The following MCC variants were observed in gnomAD, a reference collection of about 807,000 sequenced individuals.
MCC encodes MCC regulator of Wnt signaling pathway, also known as colorectal mutant cancer protein.
MCC carries 90 observed loss-of-function variants against 116.2 expected under a neutral mutation model. The observed-to-expected ratio is 0.77, with a 90% CI of 0.65 to 0.92. MCC has a LOEUF of 0.92. Among genes scored for constraint, MCC ranks in the 40% least tolerant of loss-of-function variants. MCC has a pLI of 0.00. For synonymous variants in MCC, 578 were observed against 510.5 expected (o/e 1.13, Z -1.78); for missense variants, 1,516 against 1,312.2 (o/e 1.16, Z -2.40).
chr5:113,433,644 G>T (rs1274300470), intron 1 of MCC: 1 of 1,429,264 alleles, frequency 7.0e-7, no homozygotes, highest in Admixed American at 2.5e-5. Flanking sequence ...GCTCATCTGG[G>T]ACTGCCTTCC....
chr5:113,282,411 AT>A, intron 3 of MCC, among the ~76,000 whole-genome samples: 1 of 152,292 alleles, frequency 6.6e-6, no homozygotes, highest in Non-Finnish European at 1.5e-5. Flanking sequence ...TCCAGACAGC[AT>A]TTTCATAAGC....
At chr5:113,200,454 C>A (rs1267576232) in intron 3 of MCC, among the ~76,000 whole-genome samples, 2 of 152,154 alleles carry the variant, frequency 1.3e-5, no homozygotes, top group Non-Finnish European at 2.9e-5. Flanking sequence ...TGATCCCCTT[C>A]CTGTTAGAAA....
At chr5:113,081,104 A>ATTG (rs1754830124) in intron 11 of MCC, among the ~76,000 whole-genome samples, 1 of 152,212 alleles carries the variant, frequency 6.6e-6, no homozygotes, top group Non-Finnish European at 1.5e-5. Flanking sequence ...ATGAAGTTAA[A>ATTG]GGCTAACATA....
chr5:113,220,756 G>C (rs1763521611), intron 3 of MCC, among the ~76,000 whole-genome samples: 1 of 152,156 alleles, frequency 6.6e-6, no homozygotes, highest in Non-Finnish European at 1.5e-5. Context: ...AGACAGTTAT[G>C]TTATCTTTGA....
chr5:113,443,160 C>A (rs1771096278), intron 1 of MCC, among the ~76,000 whole-genome samples: 1 of 147,618 alleles, frequency 6.8e-6, no homozygotes, highest in Non-Finnish European at 1.5e-5. Flanking sequence ...TTGTTTGTGT[C>A]CTCTCATTTC....
At position 113,025,881 on chromosome 5, in the gene MCC, G is replaced by A. The variant is rs1002414567; in HGVS notation, c.*1421C>T. 1.3e-5 allele frequency: 2 copies of A among 152,124 alleles called. No homozygotes were observed. Among genetic ancestry groups the A allele is most frequent in the African/African-American group, 4.8e-5 (2 of 41,406 alleles). The allele number at this position is 152,124 out of a possible 1,614,324, so 9.4% of individuals were successfully genotyped here. On this transcript the variant is annotated 3_prime_UTR_variant, in exon 19 of 19. Transcript: ENST00000408903. Reference sequence around the variant, plus strand: ...AAAATAGACCTACCCGTAGCTTATGGACATAAAGACTCTATGCAGAAACCT... The same window carrying A: ...AAAATAGACCTACCCGTAGCTTATGAACATAAAGACTCTATGCAGAAACCT...
intron 15 of MCC, among the ~76,000 whole-genome samples, chr5:113,051,184 C>T (rs1295120890): frequency 6.6e-6 from 1 of 151,918 alleles, no homozygotes; most frequent in Non-Finnish European, 1.5e-5. Context: ...CATCTGCAAC[C>T]CAGGATCCTC....
chr5:113,108,331 T>TAAAAAAAAAAAAAAAA (rs56780207), intron 6 of MCC, among the ~76,000 whole-genome samples: 2 of 42,726 alleles, frequency 4.7e-5, no homozygotes, highest in African/African-American at 1.5e-4. Context: ...CACTCTATCT[T>TAAAAAAAAAAAAAAAA]AAAAAAAAAA....
intron 3 of MCC, among the ~76,000 whole-genome samples, chr5:113,217,414 T>C (rs772109414): frequency 6.6e-6 from 1 of 152,234 alleles, no homozygotes; most frequent in Non-Finnish European, 1.5e-5. Context: ...CAATATTAAG[T>C]TGATTTTTTA....
intron 3 of MCC, among the ~76,000 whole-genome samples, chr5:113,221,002 A>G (rs1331401932): frequency 6.6e-6 from 1 of 152,198 alleles, no homozygotes; most frequent in East Asian, 1.9e-4. Context: ...CAGGAGTTCA[A>G]GACCAGCCTG....
intron 2 of MCC, among the ~76,000 whole-genome samples, chr5:113,363,158 T>C (rs1036853015): frequency 2.0e-5 from 3 of 152,106 alleles, no homozygotes; most frequent in Non-Finnish European, 2.9e-5. Context: ...GTGCCTGTAA[T>C]CCCAGCTATT....
chr5:113,447,493 T>A (rs1424013305), intron 1 of MCC, among the ~76,000 whole-genome samples: 1 of 152,168 alleles, frequency 6.6e-6, no homozygotes, highest in East Asian at 1.9e-4. Context: ...GTGATCCCAC[T>A]ATGCTTTTTC....
Position 113,084,083 on chromosome 5 carries a change from C to T in MCC, c.1635+18G>A. ...CTCTGCCGGGTACTTTCTTGCCTTG[C>T]TTCTCATGAACACTCACCCCTATGC... On this transcript the variant is annotated intron_variant, in intron 10 of 18. Coordinates refer to ENST00000408903, the MANE Select transcript of MCC (RefSeq NM_001085377.2). The T allele has an allele frequency of 1.2e-6, 2 of 1,609,142 alleles. No homozygotes were observed. The highest frequency in any genetic ancestry group is 1.1e-5 in the South Asian group (1 of 90,828).
At chr5:113,221,621 A>G (rs1443953793) in intron 3 of MCC, among the ~76,000 whole-genome samples, 1 of 152,230 alleles carries the variant, frequency 6.6e-6, no homozygotes, top group Non-Finnish European at 1.5e-5. Context: ...TCAGTGGTTG[A>G]GATATTTTGC....
chr5:113,047,487 T>C (rs968226656), intron 16 of MCC, among the ~76,000 whole-genome samples: 1 of 152,228 alleles, frequency 6.6e-6, no homozygotes, highest in African/African-American at 2.4e-5. Flanking sequence ...TTGTGAATCA[T>C]GCTTCAGAGT....
At chr5:113,315,829 G>A (rs1045379431) in intron 3 of MCC, among the ~76,000 whole-genome samples, 2 of 152,024 alleles carry the variant, frequency 1.3e-5, no homozygotes, top group African/African-American at 2.4e-5. Flanking sequence ...AGTGAGCCAT[G>A]ATCACACCAC....
At chr5:113,047,433 C>G (rs1239792176) in intron 16 of MCC, among the ~76,000 whole-genome samples, 1 of 152,174 alleles carries the variant, frequency 6.6e-6, no homozygotes. Context: ...CTTGTCTTGG[C>G]TCCTCAGCAA....
At chr5:113,473,012 G>T (rs1772136237) in intron 1 of MCC, among the ~76,000 whole-genome samples, 1 of 152,182 alleles carries the variant, frequency 6.6e-6, no homozygotes, top group South Asian at 2.1e-4. Context: ...TTGCATTCAT[G>T]ATGCTTACAG....
At chr5:113,424,144 C>CACACAA (rs1770420550) in intron 1 of MCC, among the ~76,000 whole-genome samples, 1 of 145,682 alleles carries the variant, frequency 6.9e-6, no homozygotes, top group Non-Finnish European at 1.5e-5. Flanking sequence ...CACACACACA[C>CACACAA]ACACACACAC....
Sources: gnomAD v4.1 joint callset for allele counts (sites outside exome capture counted in the v4.1 genomes callset) on GRCh38, gnomAD v4.1.1 for gene constraint, MANE v1.5 for transcripts, NCBI Gene and HGNC (gene_info 2026-07-23, HGNC 2026-07-21) for gene names.